The following TMSB15B variants were observed in gnomAD, a reference collection of about 807,000 sequenced individuals.
TMSB15B encodes thymosin beta-15B.
chrX:103,942,758 T>G (rs1196893899), intron 1 of TMSB15B, among the ~76,000 whole-genome samples: 3 of 112,083 alleles, frequency 2.7e-5, no homozygotes, highest in Non-Finnish European at 5.6e-5. Flanking sequence ...ATATTCTTCA[T>G]AGTGTTCAAC....
intron 1 of TMSB15B, among the ~76,000 whole-genome samples, chrX:103,945,500 A>T (rs1384298923): frequency 9.0e-6 from 1 of 111,702 alleles, no homozygotes; most frequent in South Asian, 3.8e-4. Flanking sequence ...GTAAGAACTG[A>T]CTCACTCCCA....
At chrX:103,932,679 A>G (rs1168266063) in intron 1 of TMSB15B, 3 of 111,939 alleles carry the variant, frequency 2.7e-5, no homozygotes, top group Non-Finnish European at 5.6e-5. Flanking sequence ...AATTATACAG[A>G]CTTGTCAACT....
intron 1 of TMSB15B, among the ~76,000 whole-genome samples, chrX:103,936,555 CA>C (rs2074998473): frequency 8.9e-6 from 1 of 111,734 alleles, no homozygotes; most frequent in Admixed American, 9.5e-5. Context: ...GGGCTGAGAC[CA>C]TGGGGTTTCT....
chrX:103,921,434 G>C (rs782028527), intron 1 of TMSB15B, among the ~76,000 whole-genome samples: 18 of 112,107 alleles, frequency 1.6e-4, no homozygotes, highest in Non-Finnish European at 1.7e-4. Context: ...GGTAGGGATG[G>C]AATCACATAA....
rs782118021 is a variant in TMSB15B at position 103,954,757 on chromosome X, G to A, written c.-720-7264G>A. 6.3e-5 allele frequency among the ~76,000 whole-genome samples: 7 copies of A among 110,720 alleles called. No individual in the cohort carries two copies. In the South Asian group the frequency reaches 2.0e-3, roughly 31 times the overall value. On this transcript the variant is annotated intron_variant, in intron 1 of 3. Coordinates refer to the TMSB15B transcript ENST00000419165. ...AAGGCACCCAGATCTGAGCCAGCCAGAACTCTGCCCCAAGCCAACATTACC... is the reference window on the plus strand; with the variant it reads ...AAGGCACCCAGATCTGAGCCAGCCAAAACTCTGCCCCAAGCCAACATTACC...
intron 1 of TMSB15B, among the ~76,000 whole-genome samples, chrX:103,924,230 G>A (rs782229037): frequency 2.7e-5 from 3 of 111,113 alleles, no homozygotes; most frequent in Admixed American, 1.9e-4. Context: ...CATTCTAAAT[G>A]GGCTCCTCTC....
intron 1 of TMSB15B, among the ~76,000 whole-genome samples, chrX:103,955,392 T>G (rs1237204176): frequency 2.7e-5 from 3 of 110,472 alleles, no homozygotes; most frequent in Non-Finnish European, 1.9e-5. Context: ...TTAGAAATCA[T>G]GATAAAATAT....
chrX:103,945,933 G>A (rs782678895), intron 1 of TMSB15B, among the ~76,000 whole-genome samples: 1 of 112,135 alleles, frequency 8.9e-6, no homozygotes, highest in Non-Finnish European at 1.9e-5. Context: ...ATACAGAAAA[G>A]TATGAGATTG....
intron 1 of TMSB15B, among the ~76,000 whole-genome samples, chrX:103,949,789 T>C (rs782210818): frequency 1.8e-5 from 2 of 111,631 alleles, no homozygotes; most frequent in South Asian, 7.6e-4. Context: ...AACCTAGAAA[T>C]ATTTTGTATT....
At chrX:103,923,436 C>T (rs1319341352) in intron 1 of TMSB15B, among the ~76,000 whole-genome samples, 3 of 111,936 alleles carry the variant, frequency 2.7e-5, no homozygotes, top group African/African-American at 6.5e-5. Flanking sequence ...GCCAGTTTTC[C>T]GAGCACCATT....
chrX:103,951,660 C>T (rs782335909), intron 1 of TMSB15B, among the ~76,000 whole-genome samples: 5 of 110,843 alleles, frequency 4.5e-5, no homozygotes, highest in Non-Finnish European at 9.4e-5. Flanking sequence ...AGCCAGGGGT[C>T]GTGCTTTTGC....
intron 1 of TMSB15B, among the ~76,000 whole-genome samples, chrX:103,937,274 A>T (rs2075000654): frequency 8.9e-6 from 1 of 112,011 alleles, no homozygotes; most frequent in African/African-American, 3.2e-5. Context: ...CTCTGGTAGA[A>T]TTCGGCTGTG....
chrX:103,938,117 T>C (rs1326536810), intron 1 of TMSB15B, among the ~76,000 whole-genome samples: 1 of 111,725 alleles, frequency 9.0e-6, no homozygotes, highest in Non-Finnish European at 1.9e-5. Context: ...AAGTGCTATG[T>C]GGTGCTGAGA....
chrX:103,936,487 A>G (rs1251170073), intron 1 of TMSB15B, among the ~76,000 whole-genome samples: 2 of 112,175 alleles, frequency 1.8e-5, no homozygotes, highest in Non-Finnish European at 3.8e-5. Flanking sequence ...TGATTTTTGC[A>G]CATTGATTTT....
intron 1 of TMSB15B, among the ~76,000 whole-genome samples, chrX:103,944,901 C>T (rs1421873788): frequency 8.9e-6 from 1 of 111,976 alleles, no homozygotes; most frequent in Non-Finnish European, 1.9e-5. Flanking sequence ...GCCTCAGCTT[C>T]TGAGTAGCTG....
intron 1 of TMSB15B, among the ~76,000 whole-genome samples, chrX:103,954,781 C>T (rs1244265035): frequency 9.0e-6 from 1 of 111,372 alleles, no homozygotes; most frequent in East Asian, 2.8e-4. Context: ...GCCAACATTA[C>T]CTCCGAAGTA....
At chrX:103,924,130 A>G (rs1266311270) in intron 1 of TMSB15B, among the ~76,000 whole-genome samples, 38 of 111,567 alleles carry the variant, frequency 3.4e-4, no homozygotes, top group Non-Finnish European at 1.3e-4. Context: ...AGGAAGTGAC[A>G]GAGTGAAATT....
chrX:103,974,405 ATATAT>A, the TMSB15B span, among the ~76,000 whole-genome samples: 1 of 15,744 alleles, frequency 6.4e-5, no homozygotes. Context: ...ATATATATAT[ATATAT>A]TTAGTATGCT....
At chrX:103,935,238 A>G (rs1354610126) in intron 1 of TMSB15B, among the ~76,000 whole-genome samples, 1 of 112,005 alleles carries the variant, frequency 8.9e-6, no homozygotes, top group Non-Finnish European at 1.9e-5. Flanking sequence ...GATTCTGGAT[A>G]TTAGCCCTTT....
Sources: allele counts gnomAD v4.1 joint callset (sites outside exome capture counted in the v4.1 genomes callset), GRCh38; gene constraint gnomAD v4.1.1; transcripts MANE v1.5; gene names NCBI Gene and HGNC (gene_info 2026-07-23, HGNC 2026-07-21).